SCGN: variants seen among roughly 807,000 people sequenced by gnomAD.
SCGN encodes the protein secretagogin.
In SCGN, 30 loss-of-function variants were observed where a neutral mutation model predicts 39.7. The ratio of observed to expected loss-of-function variants is 0.76; its 90% confidence interval spans 0.57 to 1.03. The LOEUF is 1.03. Ranked by LOEUF, SCGN falls within the 50% of genes least tolerant of loss-of-function variation. The pLI is 0.00. For missense variants in SCGN, 353 were observed against 349.4 expected (o/e 1.01, Z -0.08); for synonymous variants, 106 against 114.1 (o/e 0.93, Z 0.45).
At chr6:25,698,723 C>T (rs1232354007) in intron 10 of SCGN, among the ~76,000 whole-genome samples, 2 of 152,144 alleles carry the variant, frequency 1.3e-5, no homozygotes, top group African/African-American at 4.8e-5. Context: ...ACATTGTGGC[C>T]TCAGAGTCTA....
chr6:25,670,938 C>T (rs1759489660), intron 6 of SCGN, among the ~76,000 whole-genome samples: 1 of 152,230 alleles, frequency 6.6e-6, no homozygotes, highest in Non-Finnish European at 1.5e-5. Flanking sequence ...TACGTGAGTG[C>T]TTCATTCCTA....
At chr6:25,678,891 G>A in intron 6 of SCGN, 1 of 154,700 alleles carries the variant, frequency 6.5e-6, no homozygotes, top group South Asian at 1.9e-4. Context: ...GGCTGTCCCA[G>A]CAGGTGTTTT....
At chr6:25,687,324 G>T (rs1362296607) in intron 7 of SCGN, among the ~76,000 whole-genome samples, 1 of 152,040 alleles carries the variant, frequency 6.6e-6, no homozygotes, top group African/African-American at 2.4e-5. Flanking sequence ...TATGAACATG[G>T]GATGTCTTTT....
chr6:25,694,775 C>T (rs1412269635), intron 10 of SCGN, among the ~76,000 whole-genome samples: 1 of 152,166 alleles, frequency 6.6e-6, no homozygotes, highest in Non-Finnish European at 1.5e-5. Context: ...AAAATACTCG[C>T]CATATAATTT....
At position 25,701,394 on chromosome 6, in the gene SCGN, G is replaced by A. The variant is rs1268296100; in HGVS notation, c.*59G>A. The A allele has an allele frequency of 1.3e-6, 2 of 1,579,712 alleles. No homozygotes were observed. The highest frequency in any genetic ancestry group is 1.2e-5 in the South Asian group (1 of 83,744). ...TTTCTGTGATCTTGCTGGTAGAATTGTATCTGTGCATTGATGTTGGGAACA... is the reference window on the plus strand; with the variant it reads ...TTTCTGTGATCTTGCTGGTAGAATTATATCTGTGCATTGATGTTGGGAACA... On this transcript the variant is annotated 3_prime_UTR_variant, in exon 11 of 11. Coordinates refer to ENST00000377961, the MANE Select transcript of SCGN (RefSeq NM_006998.4).
rs755220129 is a variant in SCGN, at chr6:25,691,084, A to T, written c.662A>T (p.Glu221Val). 1.2e-6 allele frequency: 2 copies of T among 1,613,932 alleles called. No homozygotes were observed. Among genetic ancestry groups the T allele is most frequent in the Non-Finnish European group, 1.7e-6 (2 of 1,179,844 alleles). ...VSKTGALEGP[E>V]VDGFVKDMME... is the part of the protein sequence containing the mutation. ...AAAACAGGAGCCCTGGAAGGCCCAG[A>T]AGTGGATGGGTTTGTCAAAGACATG... The change falls in exon 10 of 11, where the codon GAA (glutamate) becomes GTA (valine). Residue 221 changes from glutamate to valine, a missense_variant. Coordinates refer to ENST00000377961, the MANE Select transcript of SCGN (RefSeq NM_006998.4).
Position 25,669,985 on chromosome 6 carries a change from T to C in SCGN, c.394-14T>C, listed in dbSNP as rs772434914. ...CTCACTATATAAAGTATGATTCTTC[T>C]CTTGGCGCCACAGAACTTCCTCCGA... On this transcript the variant is annotated splice_polypyrimidine_tract_variant and intron_variant, in intron 5 of 10. Transcript: ENST00000377961. 7 of 1,609,198 alleles carry C rather than the reference T, an allele frequency of 4.3e-6. No homozygotes were observed. In the East Asian group the frequency reaches 6.7e-5, roughly 15 times the overall value.
At chr6:25,678,104 A>G (rs547238169) in intron 6 of SCGN, among the ~76,000 whole-genome samples, 14 of 152,358 alleles carry the variant, frequency 9.2e-5, no homozygotes, top group Non-Finnish European at 1.6e-4. Context: ...GCATTTGTTA[A>G]TAAGACATTG....
intron 10 of SCGN, among the ~76,000 whole-genome samples, chr6:25,693,887 A>G (rs879328791): frequency 1.3e-5 from 2 of 152,190 alleles, no homozygotes; most frequent in African/African-American, 4.8e-5. Flanking sequence ...ACCTTGGGCA[A>G]GTCATTTTGC....
At chr6:25,662,278 C>T (rs1760350811) in intron 3 of SCGN, among the ~76,000 whole-genome samples, 1 of 152,070 alleles carries the variant, frequency 6.6e-6, no homozygotes, top group Non-Finnish European at 1.5e-5. Context: ...TATTGTATTC[C>T]CATAGTAGTT....
chr6:25,654,727 C>T (rs1156901549), intron 2 of SCGN, among the ~76,000 whole-genome samples: 1 of 151,960 alleles, frequency 6.6e-6, no homozygotes, highest in Non-Finnish European at 1.5e-5. Flanking sequence ...CATTTCTTTT[C>T]TCCACATTTT....
rs55745814 is a variant in SCGN at position 25,676,045 on chromosome 6, C to G, written c.472-5906C>G. On this transcript the variant is annotated intron_variant, in intron 6 of 10. Transcript: ENST00000377961. The stretch of plus-strand genomic sequence containing the variant: ...AGATCTGCTCCACTACTGGGTCTTC[C>G]TCAAGCTTTCAAGTTGCTCAAGGCA... 7.8e-3 allele frequency among the ~76,000 whole-genome samples: 1,185 copies of G among 152,320 alleles called. 18 individuals carry two copies. Among genetic ancestry groups the G allele is most frequent in the African/African-American group, 0.026 (1,085 of 41,560 alleles).
chr6:25,658,598 A>G (rs575378515), intron 2 of SCGN, among the ~76,000 whole-genome samples: 30 of 152,326 alleles, frequency 2.0e-4, no homozygotes, highest in Non-Finnish European at 3.2e-4. Flanking sequence ...AAGAATAGCT[A>G]TACATATAGA....
At chr6:25,691,273 A>G (rs1287635908) in intron 10 of SCGN, 149 bp downstream of exon 10, 2 of 559,312 alleles carry the variant, frequency 3.6e-6, no homozygotes, top group East Asian at 6.0e-5. Flanking sequence ...TTGCTATGAA[A>G]CCCAACAAAC....
intron 2 of SCGN, among the ~76,000 whole-genome samples, chr6:25,656,668 A>G (rs1328615834): frequency 6.6e-6 from 1 of 152,122 alleles, no homozygotes; most frequent in African/African-American, 2.4e-5. Flanking sequence ...CGTCTCAGAT[A>G]AGGACTGATG....
intron 10 of SCGN, among the ~76,000 whole-genome samples, chr6:25,699,368 C>T (rs1018154146): frequency 2.0e-5 from 3 of 151,944 alleles, no homozygotes; most frequent in African/African-American, 7.3e-5. Flanking sequence ...GCAGGTGTGT[C>T]ATCTCAGGTC....
intron 4 of SCGN, among the ~76,000 whole-genome samples, chr6:25,666,999 A>G (rs1760435151): frequency 6.6e-6 from 1 of 152,106 alleles, no homozygotes; most frequent in African/African-American, 2.4e-5. Flanking sequence ...AGACAATATG[A>G]CCCCCAATTC....
chr6:25,694,815 T>C (rs767507837), intron 10 of SCGN, among the ~76,000 whole-genome samples: 13 of 152,222 alleles, frequency 8.5e-5, no homozygotes, highest in Non-Finnish European at 1.3e-4. Context: ...TGGCCAGTAG[T>C]TGAATTTCAT....
At chr6:25,665,923 C>T (rs1012259148) in intron 4 of SCGN, among the ~76,000 whole-genome samples, 2 of 152,064 alleles carry the variant, frequency 1.3e-5, no homozygotes, top group Non-Finnish European at 2.9e-5. Flanking sequence ...TTGTCACTGA[C>T]GTTCTGTTGG....
Sources: allele counts gnomAD v4.1 joint callset (sites outside exome capture counted in the v4.1 genomes callset), GRCh38; gene constraint gnomAD v4.1.1; transcripts MANE v1.5; gene names NCBI Gene and HGNC (gene_info 2026-07-23, HGNC 2026-07-21).